CNTNAP2: variants seen among roughly 807,000 people sequenced by gnomAD.
CNTNAP2 encodes the protein contactin associated protein 2.
CNTNAP2 carries 98 observed loss-of-function variants against 155.2 expected under a neutral mutation model. The observed-to-expected ratio is 0.63, with a 90% CI of 0.54 to 0.75. CNTNAP2 has a LOEUF of 0.75. CNTNAP2 is among the 30% of genes least tolerant of loss of function. The probability of loss-of-function intolerance (pLI) is 0.00; values close to 1 mark genes in which losing one functional copy is unlikely to be tolerated. For synonymous variants in CNTNAP2, 651 were observed against 631.2 expected (o/e 1.03, Z -0.47); for missense variants, 1,727 against 1,688.1 (o/e 1.02, Z -0.40).
intron 1 of CNTNAP2, among the ~76,000 whole-genome samples, chr7:146,487,972 A>G (rs544701821): frequency 6.6e-6 from 1 of 152,202 alleles, no homozygotes; most frequent in African/African-American, 2.4e-5. Flanking sequence ...TTTTTCAACA[A>G]GTCTGAGAAG....
At chr7:146,712,046 C>T (rs1801089368) in intron 1 of CNTNAP2, among the ~76,000 whole-genome samples, 1 of 90,510 alleles carries the variant, frequency 1.1e-5, no homozygotes, top group Non-Finnish European at 2.1e-5. Flanking sequence ...ATATAGTATA[C>T]ACATCTTATG....
intron 2 of CNTNAP2, among the ~76,000 whole-genome samples, chr7:146,784,559 C>A (rs577145140): frequency 6.6e-6 from 1 of 152,246 alleles, no homozygotes; most frequent in East Asian, 1.9e-4. Flanking sequence ...AATACATATA[C>A]CTTTGTAAGA....
intron 1 of CNTNAP2, among the ~76,000 whole-genome samples, chr7:146,626,580 C>A (rs1187325517): frequency 6.6e-6 from 1 of 151,980 alleles, no homozygotes; most frequent in African/African-American, 2.4e-5. Context: ...GATTGTGTGC[C>A]TGTAAATACA....
chr7:147,462,791 T>G (rs767430446), intron 10 of CNTNAP2, among the ~76,000 whole-genome samples: 5 of 152,132 alleles, frequency 3.3e-5, no homozygotes, highest in African/African-American at 7.2e-5. Context: ...GTTTGTTGGT[T>G]TTTTTGAGAT....
intron 9 of CNTNAP2, among the ~76,000 whole-genome samples, chr7:147,306,659 C>A (rs76141433): frequency 0.011 from 1,633 of 152,278 alleles, 29 homozygotes; most frequent in African/African-American, 0.037. Context: ...TGGGTCCTTA[C>A]ACATGTAATG....
intron 12 of CNTNAP2, among the ~76,000 whole-genome samples, chr7:147,602,104 G>T (rs1193357087): frequency 6.6e-6 from 1 of 151,886 alleles, no homozygotes; most frequent in Non-Finnish European, 1.5e-5. Context: ...GGTGTTAGCA[G>T]CCATGGATGA....
rs564805813 is a variant in CNTNAP2, at chr7:147,802,076, G to A, written c.2099-101489G>A. 7.1e-4 allele frequency among the ~76,000 whole-genome samples: 101 copies of A among 141,350 alleles called. 1 individual carries two copies. Among genetic ancestry groups the A allele is most frequent in the South Asian group, 2.2e-3 (10 of 4,612 alleles). 92.7% of individuals were successfully genotyped at this position (141,350 alleles called of 152,430 possible). The stretch of plus-strand genomic sequence containing the variant: ...TTCTCAGACGGGGCAGTTGCCGGGC[G>A]GAGGGTCTCCTCACTTCTCAGACGG... On this transcript the variant is annotated intron_variant, in intron 13 of 23. Transcript: ENST00000361727.
Position 147,408,185 on chromosome 7 carries a change from T to C in CNTNAP2, c.1670+12405T>C, listed in dbSNP as rs138413262. On this transcript the variant is annotated intron_variant, in intron 10 of 23. Coordinates refer to ENST00000361727, the MANE Select transcript of CNTNAP2 (RefSeq NM_014141.6). ...ATCAGAAAAAGCACACACACACACA[T>C]ACCCCATGGAATTGTTGGAAAAAAA... 4.5e-3 allele frequency among the ~76,000 whole-genome samples: 678 copies of C among 152,162 alleles called. 5 individuals are homozygous for C. The highest frequency in any genetic ancestry group is 0.015 in the African/African-American group (628 of 41,498).
intron 1 of CNTNAP2, among the ~76,000 whole-genome samples, chr7:146,713,950 G>A (rs1270542449): frequency 6.6e-6 from 1 of 152,076 alleles, no homozygotes; most frequent in African/African-American, 2.4e-5. Context: ...TAAAAAGTAA[G>A]GTGGTTACCT....
chr7:146,909,181 A>C (rs561203899), intron 3 of CNTNAP2, among the ~76,000 whole-genome samples: 1 of 151,782 alleles, frequency 6.6e-6, no homozygotes, highest in Non-Finnish European at 1.5e-5. Context: ...AACCAAAAAG[A>C]GTCTAGGACC....
intron 3 of CNTNAP2, among the ~76,000 whole-genome samples, chr7:146,886,288 G>A (rs11533973): frequency 0.68 from 100,637 of 147,548 alleles, 34,786 homozygotes; most frequent in East Asian, 0.94. Flanking sequence ...AAAAAAAAAA[G>A]AAAGAAATAT....
intron 22 of CNTNAP2, among the ~76,000 whole-genome samples, chr7:148,399,191 G>A (rs1053572127): frequency 6.6e-6 from 1 of 152,136 alleles, no homozygotes; most frequent in Non-Finnish European, 1.5e-5. Flanking sequence ...ATGGCTTCAG[G>A]CTTTCCACCC....
intron 1 of CNTNAP2, among the ~76,000 whole-genome samples, chr7:146,485,601 A>G (rs1797043276): frequency 6.6e-6 from 1 of 152,170 alleles, no homozygotes; most frequent in Non-Finnish European, 1.5e-5. Context: ...ATAACTTTTC[A>G]GAATATAGAG....
At chr7:146,280,640 G>T (rs1800236664) in intron 1 of CNTNAP2, among the ~76,000 whole-genome samples, 2 of 152,040 alleles carry the variant, frequency 1.3e-5, no homozygotes, top group Admixed American at 1.3e-4. Flanking sequence ...TCATAAGTAG[G>T]GTCATCGGCT....
chr7:147,759,928 A>G (rs1427375115), intron 13 of CNTNAP2, among the ~76,000 whole-genome samples: 1 of 152,112 alleles, frequency 6.6e-6, no homozygotes, highest in African/African-American at 2.4e-5. Flanking sequence ...AAAGGGTCTC[A>G]TTACCTTTCT....
intron 9 of CNTNAP2, among the ~76,000 whole-genome samples, chr7:147,348,145 A>G (rs1387766026): frequency 3.3e-5 from 5 of 152,038 alleles, no homozygotes; most frequent in African/African-American, 1.2e-4. Context: ...CCTCAAACAC[A>G]CAGATAAATA....
chr7:147,994,469 T>C (rs763344689), intron 15 of CNTNAP2, among the ~76,000 whole-genome samples: 2 of 152,202 alleles, frequency 1.3e-5, no homozygotes, highest in Non-Finnish European at 2.9e-5. Context: ...TTTCATCTTT[T>C]AGCTTCCATA....
At chr7:146,176,407 C>T (rs915338125) in intron 1 of CNTNAP2, among the ~76,000 whole-genome samples, 1 of 152,110 alleles carries the variant, frequency 6.6e-6, no homozygotes, top group Non-Finnish European at 1.5e-5. Context: ...AATAATTTAG[C>T]TTTCAGAAGA....
At chr7:147,329,163 C>A (rs569028767) in intron 9 of CNTNAP2, among the ~76,000 whole-genome samples, 1 of 151,916 alleles carries the variant, frequency 6.6e-6, no homozygotes, top group Non-Finnish European at 1.5e-5. Context: ...CACACACCCA[C>A]GCATATACAC....
Sources: gnomAD v4.1 joint callset for allele counts (sites outside exome capture counted in the v4.1 genomes callset) on GRCh38, gnomAD v4.1.1 for gene constraint, MANE v1.5 for transcripts, NCBI Gene and HGNC (gene_info 2026-07-23, HGNC 2026-07-21) for gene names.